The following RELCH variants were observed in gnomAD, a reference collection of about 807,000 sequenced individuals.
The protein encoded by RELCH is RAB11-binding protein RELCH.
RELCH carries 41 observed loss-of-function variants against 150.3 expected under a neutral mutation model. The ratio of observed to expected loss-of-function variants is 0.27; its 90% confidence interval spans 0.21 to 0.35. The LOEUF is 0.35. RELCH is among the 10% of genes least tolerant of loss of function. RELCH has a pLI of 1.00. For synonymous variants in RELCH, 478 were observed against 531.8 expected (o/e 0.90, Z 1.39); for missense variants, 1,092 against 1,467.8 (o/e 0.74, Z 4.18).
chr18:62,257,199 T>G (rs1359207150), intron 13 of RELCH, among the ~76,000 whole-genome samples: 1 of 151,998 alleles, frequency 6.6e-6, no homozygotes, highest in African/African-American at 2.4e-5. Flanking sequence ...AGCATGAATT[T>G]GTATATTGGT....
chr18:62,202,529 G>A (rs1003077844), intron 1 of RELCH, among the ~76,000 whole-genome samples: 1 of 151,864 alleles, frequency 6.6e-6, no homozygotes, highest in Non-Finnish European at 1.5e-5. Flanking sequence ...TTTTTTTCCT[G>A]GAGAATATGA....
chr18:62,285,119 T>TTTTGTTTG (rs61686710), intron 25 of RELCH, among the ~76,000 whole-genome samples: 166 of 150,836 alleles, frequency 1.1e-3, no homozygotes, highest in Middle Eastern at 3.4e-3. Context: ...ATATACAGTT[T>TTTTGTTTG]TTTGTTTGTT....
rs751267626 is a variant in RELCH, at chr18:62,255,489, C to CT, written c.1896+22dup. The CT allele has an allele frequency of 0.046, 49,938 of 1,089,170 alleles. No homozygotes were observed. The highest frequency in any genetic ancestry group is 0.05 in the Non-Finnish European group (40,858 of 811,898). 67.5% of individuals were successfully genotyped at this position (1,089,170 alleles called of 1,614,324 possible). A position where few individuals can be genotyped will look rare whatever the true frequency, so the allele number is the denominator to read the frequency against. ...GCACCTTACCTTCCTGTAAGATTGTCTTTTTTTTTTTCTTTAAACTATTTT... is the reference window on the plus strand; with the variant it reads ...GCACCTTACCTTCCTGTAAGATTGTCTTTTTTTTTTTTCTTTAAACTATTTT... On this transcript the variant is annotated intron_variant, in intron 13 of 28. Transcript: ENST00000644646.
chr18:62,272,627 T>C (rs147773865), intron 20 of RELCH, among the ~76,000 whole-genome samples: 22 of 152,214 alleles, frequency 1.4e-4, no homozygotes, highest in Non-Finnish European at 3.2e-4. Context: ...TTTATCTCAC[T>C]AAACAAAAAT....
chr18:62,282,468 T>C, intron 25 of RELCH, 24 bp downstream of exon 25: 1 of 1,607,862 alleles, frequency 6.2e-7, no homozygotes, highest in African/African-American at 1.3e-5. Flanking sequence ...TTCTACCTTT[T>C]TCCTGAATTG....
At chr18:62,248,579 G>A (rs564732961) in intron 11 of RELCH, among the ~76,000 whole-genome samples, 68 of 152,124 alleles carry the variant, frequency 4.5e-4, no homozygotes, top group Non-Finnish European at 8.4e-4. Flanking sequence ...GCCTTTATAT[G>A]CCATGCTTGA....
rs946715768 is a variant in RELCH at position 62,309,574 on chromosome 18, G to A, written c.*4040G>A. Reference sequence around the variant, plus strand: ...TAACAGTTAATATAAACTTAATATTGCATCAAAAACAAATATATTTTATTT... The same window carrying A: ...TAACAGTTAATATAAACTTAATATTACATCAAAAACAAATATATTTTATTT... On this transcript the variant is annotated 3_prime_UTR_variant, in exon 29 of 29. Coordinates refer to ENST00000644646, the MANE Select transcript of RELCH (RefSeq NM_001346231.2). 14 of 152,058 alleles carry A rather than the reference G, an allele frequency of 9.2e-5. No individual in the cohort carries two copies. Among genetic ancestry groups the A allele is most frequent in the African/African-American group, 3.4e-4 (14 of 41,414 alleles). The allele number at this position is 152,058 out of a possible 1,614,324, so 9.4% of individuals were successfully genotyped here. A position where few individuals can be genotyped will look rare whatever the true frequency, so the allele number is the denominator to read the frequency against.
At chr18:62,208,186 T>C (rs2039932839) in intron 1 of RELCH, among the ~76,000 whole-genome samples, 1 of 152,190 alleles carries the variant, frequency 6.6e-6, no homozygotes, top group Non-Finnish European at 1.5e-5. Context: ...GCCATTTCCA[T>C]ATCTTCTTTG....
At chr18:62,211,129 CT>C in intron 1 of RELCH, 23 bp from the exon 2 acceptor site, 1 of 1,326,606 alleles carries the variant, frequency 7.5e-7, no homozygotes, top group Non-Finnish European at 1.0e-6. Context: ...AATTAAAAAA[CT>C]TTTATATTTC....
intron 5 of RELCH, among the ~76,000 whole-genome samples, chr18:62,221,906 A>G (rs2040898926): frequency 6.6e-6 from 1 of 152,002 alleles, no homozygotes; most frequent in Admixed American, 6.6e-5. Context: ...ACAGTATTTA[A>G]GAGAGTATAT....
chr18:62,228,194 A>G (rs2041331959), intron 7 of RELCH, 111 bp from the exon 8 acceptor site: 3 of 840,100 alleles, frequency 3.6e-6, no homozygotes, highest in Non-Finnish European at 5.7e-6. Flanking sequence ...ATCATTTGCT[A>G]CTAATACTTT....
chr18:62,223,815 A>G (rs530130712), intron 5 of RELCH, among the ~76,000 whole-genome samples: 1 of 152,280 alleles, frequency 6.6e-6, no homozygotes, highest in African/African-American at 2.4e-5. Context: ...TAAAAAGAAA[A>G]TCAAATAATC....
intron 11 of RELCH, chr18:62,246,549 GAA>G (rs1197952685): frequency 6.6e-6 from 1 of 152,126 alleles, no homozygotes; most frequent in Non-Finnish European, 1.5e-5. Context: ...AAACATTTGT[GAA>G]AAACACAGTT....
intron 2 of RELCH, 66 bp from the exon 3 acceptor site, chr18:62,220,971 T>C: frequency 7.7e-7 from 1 of 1,302,146 alleles, no homozygotes; most frequent in Non-Finnish European, 1.1e-6. Flanking sequence ...GCTTTTTATT[T>C]TTTAATTTTT....
chr18:62,213,279 A>T (rs1159971126), intron 2 of RELCH, among the ~76,000 whole-genome samples: 1 of 152,102 alleles, frequency 6.6e-6, no homozygotes, highest in Non-Finnish European at 1.5e-5. Context: ...CCCAGAAGTT[A>T]TCCATATAAT....
intron 1 of RELCH, among the ~76,000 whole-genome samples, chr18:62,201,321 A>T (rs1047287150): frequency 2.0e-5 from 3 of 151,870 alleles, no homozygotes; most frequent in African/African-American, 7.2e-5. Context: ...GTTTAAATAG[A>T]ATTACTTTTA....
chr18:62,308,400 T>G lies in RELCH; in HGVS notation c.*2866T>G, dbSNP rs886254022. The G allele has an allele frequency of 3.3e-5, 5 of 152,242 alleles. No individual in the cohort carries two copies. The highest frequency in any genetic ancestry group is 1.2e-4 in the African/African-American group (5 of 41,462). The allele number at this position is 152,242 out of a possible 1,614,324, so 9.4% of individuals were successfully genotyped here. A position where few individuals can be genotyped will look rare whatever the true frequency, so the allele number is the denominator to read the frequency against. On this transcript the variant is annotated 3_prime_UTR_variant, in exon 29 of 29. Coordinates refer to ENST00000644646, the MANE Select transcript of RELCH (RefSeq NM_001346231.2). Reference sequence around the variant, plus strand: ...ATTTTTTCAGTTCATTAAAGAAAGTTACACTTTAGCTCTTCAATGTTACAC... The same window carrying G: ...ATTTTTTCAGTTCATTAAAGAAAGTGACACTTTAGCTCTTCAATGTTACAC...
In RELCH at chr18:62,308,124, A is replaced by T. The variant is rs1022245062; in HGVS notation, c.*2590A>T. Reference sequence around the variant, plus strand: ...GGGTCTCAAGTCAAGGTGCTATCACATTCTTGTTTTTAAAAAGTTGGCTCA... The same window carrying T: ...GGGTCTCAAGTCAAGGTGCTATCACTTTCTTGTTTTTAAAAAGTTGGCTCA... On this transcript the variant is annotated 3_prime_UTR_variant, in exon 29 of 29. Transcript: ENST00000644646. 1 of 152,182 alleles carries T rather than the reference A, an allele frequency of 6.6e-6. No homozygotes were observed. The highest frequency in any genetic ancestry group is 2.4e-5 in the African/African-American group (1 of 41,450). The allele number at this position is 152,182 out of a possible 1,614,324, so 9.4% of individuals were successfully genotyped here.
At chr18:62,200,079 T>C (rs2039326967) in intron 1 of RELCH, among the ~76,000 whole-genome samples, 1 of 152,224 alleles carries the variant, frequency 6.6e-6, no homozygotes, top group Admixed American at 6.5e-5. Context: ...TCAATAAAGT[T>C]TCAGCATGTA....
Sources: allele counts gnomAD v4.1 joint callset (sites outside exome capture counted in the v4.1 genomes callset), GRCh38; gene constraint gnomAD v4.1.1; transcripts MANE v1.5; gene names NCBI Gene and HGNC (gene_info 2026-07-23, HGNC 2026-07-21).